The following RPTOR variants were observed in gnomAD, a reference collection of about 807,000 sequenced individuals.
The protein encoded by RPTOR is regulatory-associated protein of mTOR.
A neutral mutation model predicts 169.9 loss-of-function variants in RPTOR; 21 were observed. The ratio of observed to expected loss-of-function variants is 0.12; its 90% confidence interval spans 0.09 to 0.18. RPTOR has a LOEUF of 0.18. RPTOR is among the 10% of genes least tolerant of loss of function. The pLI is 1.00. For missense variants in RPTOR, 1,133 were observed against 1,855.9 expected, an observed-to-expected ratio of 0.61 and a Z score of 7.16; for synonymous variants, 732 against 753.2, an observed-to-expected ratio of 0.97 and a Z score of 0.46.
At chr17:80,710,567 TTGTATGTGTGTG>T (rs1444351980) in intron 4 of RPTOR, among the ~76,000 whole-genome samples, 110 of 110,656 alleles carry the variant, frequency 9.9e-4, no homozygotes, top group Middle Eastern at 4.2e-3. Flanking sequence ...CCTTGGTTAT[TTGTATGTGTGTG>T]TGTGTGTGTG....
At chr17:80,549,752 A>G (rs1053807386) in intron 1 of RPTOR, among the ~76,000 whole-genome samples, 1 of 152,214 alleles carries the variant, frequency 6.6e-6, no homozygotes, top group African/African-American at 2.4e-5. Flanking sequence ...TTGCTCTGAA[A>G]GTGTTGACAG....
intron 4 of RPTOR, among the ~76,000 whole-genome samples, chr17:80,717,362 A>C (rs568883661): frequency 6.6e-6 from 1 of 152,226 alleles, no homozygotes; most frequent in Admixed American, 6.5e-5. Context: ...CAAGCATCTC[A>C]GAACATAGGA....
At chr17:80,743,722 C>T (rs1420832895) in intron 5 of RPTOR, among the ~76,000 whole-genome samples, 10 of 149,992 alleles carry the variant, frequency 6.7e-5, no homozygotes, top group South Asian at 2.1e-4. Flanking sequence ...GTCCTGGCTA[C>T]GAGCACAGCC....
intron 21 of RPTOR, among the ~76,000 whole-genome samples, chr17:80,918,782 C>T (rs2068710456): frequency 6.6e-6 from 1 of 152,228 alleles, no homozygotes; most frequent in African/African-American, 2.4e-5. Context: ...CCTGTGCTGC[C>T]TGGGTGCAGC....
At chr17:80,681,947 T>G (rs1163385887) in intron 3 of RPTOR, among the ~76,000 whole-genome samples, 1 of 152,128 alleles carries the variant, frequency 6.6e-6, no homozygotes, top group African/African-American at 2.4e-5. Flanking sequence ...ATTAGAATAT[T>G]GGTAAATGAT....
chr17:80,772,459 T>G, intron 6 of RPTOR, among the ~76,000 whole-genome samples: 1 of 66,432 alleles, frequency 1.5e-5, no homozygotes. Flanking sequence ...CTGGACCCCC[T>G]TCCTCTCCCT....
intron 1 of RPTOR, among the ~76,000 whole-genome samples, chr17:80,624,499 T>A (rs1000637547): frequency 6.6e-6 from 1 of 152,210 alleles, no homozygotes; most frequent in Non-Finnish European, 1.5e-5. Context: ...CCAAGTATTA[T>A]GAAATATAAA....
rs572650521 is a variant in RPTOR at position 80,896,369 on chromosome 17, G to A, written c.2401+2504G>A. 2.8e-3 allele frequency among the ~76,000 whole-genome samples: 421 copies of A among 148,410 alleles called. 6 individuals carry two copies. Among genetic ancestry groups the A allele is most frequent in the African/African-American group, 0.01 (408 of 39,766 alleles). ...CGCCGACACCCCACACAGCCGCCCC[G>A]ACACCCCACGCGGCCTCGCTGACAC... On this transcript the variant is annotated intron_variant, in intron 20 of 33. Transcript: ENST00000306801.
In RPTOR at chr17:80,659,925, G is replaced by C. The variant is rs1308179845; in HGVS notation, c.348+16115G>C. ...GGCCTCCCAAAGTGCTGGGATTTGAGCATGAACCACCGTGCCTGGCCTGCA... is the reference window on the plus strand; with the variant it reads ...GGCCTCCCAAAGTGCTGGGATTTGACCATGAACCACCGTGCCTGGCCTGCA... On this transcript the variant is annotated intron_variant, in intron 3 of 33. Coordinates refer to ENST00000306801, the MANE Select transcript of RPTOR (RefSeq NM_020761.3). The surrounding 1 kb of genome is among the most constrained non-coding windows in gnomAD (Gnocchi z 4.3). Among the ~76,000 whole-genome samples the C allele has an allele frequency of 6.6e-6, 1 of 152,214 alleles. No homozygotes were observed. The highest frequency in any genetic ancestry group is 1.9e-4 in the East Asian group (1 of 5,196).
intron 1 of RPTOR, among the ~76,000 whole-genome samples, chr17:80,547,290 T>C (rs1291472833): frequency 6.6e-6 from 1 of 152,242 alleles, no homozygotes; most frequent in African/African-American, 2.4e-5. Context: ...TTGTGGTTGC[T>C]ATACATATAT....
chr17:80,873,000 G>A (rs982672828), intron 13 of RPTOR, among the ~76,000 whole-genome samples: 16 of 152,162 alleles, frequency 1.1e-4, no homozygotes, highest in Admixed American at 2.0e-4. Flanking sequence ...AGGAGGCCCC[G>A]GGGGGGACCC....
chr17:80,765,925 C>T (rs115688340), intron 6 of RPTOR, among the ~76,000 whole-genome samples: 2,081 of 152,272 alleles, frequency 0.014, 51 homozygotes, highest in African/African-American at 0.048. Flanking sequence ...GATTCTCTCT[C>T]GCACTAAAAC....
At chr17:80,862,778 C>T (rs2143770529) in intron 13 of RPTOR, among the ~76,000 whole-genome samples, 1 of 150,160 alleles carries the variant, frequency 6.7e-6, no homozygotes, top group African/African-American at 2.5e-5. Context: ...ACTCCTGGGG[C>T]TTGCCATTGT....
At chr17:80,875,826 G>C (rs1022120569) in intron 13 of RPTOR, among the ~76,000 whole-genome samples, 3 of 139,314 alleles carry the variant, frequency 2.2e-5, no homozygotes, top group South Asian at 2.3e-4. Flanking sequence ...CACCGAGCCC[G>C]TGCCGCCCAG....
chr17:80,674,077 A>C (rs997712252), intron 3 of RPTOR, among the ~76,000 whole-genome samples: 2 of 152,164 alleles, frequency 1.3e-5, no homozygotes, highest in African/African-American at 4.8e-5. Flanking sequence ...AGCACCAATG[A>C]TTTCACCATT....
intron 1 of RPTOR, among the ~76,000 whole-genome samples, chr17:80,594,785 C>G (rs76721238): frequency 6.6e-6 from 1 of 152,324 alleles, no homozygotes; most frequent in African/African-American, 2.4e-5. Flanking sequence ...ATAACAGTGG[C>G]TGCACTGTGG....
intron 2 of RPTOR, among the ~76,000 whole-genome samples, chr17:80,630,460 G>T (rs1240700170): frequency 6.6e-6 from 1 of 152,222 alleles, no homozygotes; most frequent in Non-Finnish European, 1.5e-5. Context: ...CTGCATGTGT[G>T]TATAAGTATG....
intron 7 of RPTOR, among the ~76,000 whole-genome samples, chr17:80,809,755 T>C (rs1043998263): frequency 8.5e-5 from 13 of 152,126 alleles, no homozygotes; most frequent in Non-Finnish European, 2.9e-5. Flanking sequence ...TAAAACAGTC[T>C]AGGCCAGGTG....
chr17:80,584,829 G>T (rs558621988), intron 1 of RPTOR, among the ~76,000 whole-genome samples: 1 of 152,328 alleles, frequency 6.6e-6, no homozygotes, highest in Admixed American at 6.5e-5. Flanking sequence ...TCGAGGCTGT[G>T]GTAGCTGGTG....
Sources: gnomAD v4.1 joint callset for allele counts (sites outside exome capture counted in the v4.1 genomes callset) on GRCh38, gnomAD v4.1.1 for gene constraint, Gnocchi (gnomAD v3.1) non-coding constraint, MANE v1.5 for transcripts, NCBI Gene and HGNC (gene_info 2026-07-23, HGNC 2026-07-21) for gene names.